The following PPARA variants were observed in gnomAD, a reference collection of about 807,000 sequenced individuals.
PPARA encodes peroxisome proliferator activated receptor alpha, also known as peroxisome proliferator-activated receptor alpha.
In PPARA, 22 loss-of-function variants were observed where a neutral mutation model predicts 42.2. The ratio of observed to expected loss-of-function variants is 0.52; its 90% CI spans 0.37 to 0.74. The LOEUF is 0.74. Among genes scored for constraint, PPARA ranks in the 30% least tolerant of loss-of-function variants. The probability of loss-of-function intolerance (pLI) is 0.00; values close to 1 mark genes in which losing one functional copy is unlikely to be tolerated. For synonymous variants in PPARA, 242 were observed against 239.3 expected (o/e 1.01, Z -0.10); for missense variants, 465 against 608.2 (o/e 0.76, Z 2.48).
In PPARA at chr22:46,187,599, C is replaced by G. The variant is rs1165955048; in HGVS notation, c.-42-10743C>G. ...TCTGGATTCCTTCTTGCCATCAAGA[C>G]AATCCTGATACAAATCTGATCACGT... is the stretch of plus-strand genomic sequence containing the variant. On this transcript the variant is annotated intron_variant, in intron 3 of 8. Transcript: ENST00000407236. The surrounding 1 kb of genome is among the most constrained non-coding windows in gnomAD (Gnocchi z 4.9). 2.0e-5 allele frequency among the ~76,000 whole-genome samples: 3 copies of G among 152,216 alleles called. No homozygotes were observed. The highest frequency in any genetic ancestry group is 7.2e-5 in the African/African-American group (3 of 41,454).
chr22:46,157,914 T>A (rs1409963048), intron 2 of PPARA, among the ~76,000 whole-genome samples: 4 of 129,436 alleles, frequency 3.1e-5, no homozygotes, highest in South Asian at 4.5e-4. Context: ...TCAGATTTAC[T>A]TGCTTTATAT....
intron 2 of PPARA, among the ~76,000 whole-genome samples, chr22:46,170,402 A>ATTTTTTTT (rs935185946): frequency 1.6e-5 from 1 of 64,208 alleles, no homozygotes; most frequent in African/African-American, 5.8e-5. Context: ...CACCCAGCTA[A>ATTTTTTTT]TTTTTTTTTT....
Position 46,180,994 on chromosome 22 carries a change from T to C in PPARA, c.-43+4158T>C, listed in dbSNP as rs1457574573. ...AACCTATAAAGGGGTTGCAGGACGG[T>C]TCCAGCAGGGGCTGGGGATGGTGAG... On this transcript the variant is annotated intron_variant, in intron 3 of 8. Transcript: ENST00000407236. The surrounding 1 kb of genome is among the most constrained non-coding windows in gnomAD (Gnocchi z 4.2). Among the ~76,000 whole-genome samples, 1 of 152,132 alleles carries C rather than the reference T, an allele frequency of 6.6e-6. No homozygotes were observed. Among genetic ancestry groups the C allele is most frequent in the African/African-American group, 2.4e-5 (1 of 41,426 alleles).
In PPARA at chr22:46,163,116, A is replaced by T. The variant is rs9306499; in HGVS notation, c.-127+11146A>T. 9.9e-5 allele frequency among the ~76,000 whole-genome samples: 15 copies of T among 152,262 alleles called. No individual in the cohort carries two copies. The East Asian group carries it at 2.1e-3, about 22-fold the overall frequency. On this transcript the variant is annotated intron_variant, in intron 2 of 8. Coordinates refer to ENST00000407236, the MANE Select transcript of PPARA (RefSeq NM_005036.6). This position sits in a 1 kb window ranked among gnomAD's most constrained non-coding sequence, Gnocchi z 4.9. ...AAAGAGCGGGGACAGAGGGTCACGGAGGTCGCAGGGGCGTGTGTGCAGCAC... is the reference window on the plus strand; with the variant it reads ...AAAGAGCGGGGACAGAGGGTCACGGTGGTCGCAGGGGCGTGTGTGCAGCAC...
chr22:46,185,952 TATATATATATATACAC>T (rs1569207874), intron 3 of PPARA, among the ~76,000 whole-genome samples: 1 of 56,172 alleles, frequency 1.8e-5, no homozygotes, highest in African/African-American at 6.4e-5. Flanking sequence ...TATATATATA[TATATATATATATACAC>T]ACACACTAAC....
At chr22:46,172,337 A>C (rs1465117103) in intron 2 of PPARA, among the ~76,000 whole-genome samples, 2 of 151,840 alleles carry the variant, frequency 1.3e-5, no homozygotes, top group African/African-American at 2.4e-5. Context: ...AAAAAAAAAA[A>C]AAACAGCATT....
chr22:46,186,882 C>T (rs992069336), intron 3 of PPARA, among the ~76,000 whole-genome samples: 3 of 151,920 alleles, frequency 2.0e-5, no homozygotes, highest in African/African-American at 7.3e-5. Flanking sequence ...TATATGCATA[C>T]CTATGATAAA....
At chr22:46,220,105 A>G (rs118035668) in intron 7 of PPARA, 91 bp downstream of exon 7, 1 of 1,408,206 alleles carries the variant, frequency 7.1e-7, no homozygotes, top group East Asian at 2.3e-5. Flanking sequence ...AATGTTGAGA[A>G]AATTATATTT....
At position 46,184,629 on chromosome 22, in the gene PPARA, G is replaced by A. The variant is rs552914036; in HGVS notation, c.-43+7793G>A. Among the ~76,000 whole-genome samples the A allele has an allele frequency of 5.3e-5, 8 of 152,292 alleles. No homozygotes were observed. In the East Asian group the frequency reaches 7.7e-4, roughly 15 times the overall value. ...TGTAATCCCAGCAATTTGGGAGGCCGAGATTACCTGAGGTCGGAAGTTCAA... is the reference window on the plus strand; with the variant it reads ...TGTAATCCCAGCAATTTGGGAGGCCAAGATTACCTGAGGTCGGAAGTTCAA... On this transcript the variant is annotated intron_variant, in intron 3 of 8. Coordinates refer to ENST00000407236, the MANE Select transcript of PPARA (RefSeq NM_005036.6). The surrounding 1 kb of genome is among the most constrained non-coding windows in gnomAD (Gnocchi z 4.4).
chr22:46,166,198 C>T (rs1050862025), intron 2 of PPARA, among the ~76,000 whole-genome samples: 5 of 152,198 alleles, frequency 3.3e-5, no homozygotes, highest in Non-Finnish European at 7.3e-5. Context: ...TGCGTCACTT[C>T]TCTCAAAGTC....
chr22:46,220,018 G>A lies in PPARA; in HGVS notation c.711+4G>A, dbSNP rs1429607440. The A allele has an allele frequency of 3.7e-6, 6 of 1,613,842 alleles. No individual in the cohort carries two copies. Among genetic ancestry groups the A allele is most frequent in the South Asian group, 1.1e-5 (1 of 91,086 alleles). The stretch of plus-strand genomic sequence containing the variant: ...AGGAAAGGCCAGTAACAATCCAGTA[G>A]GTGTTTGCGGCTGTTCTGGGTTCTC... On this transcript the variant is annotated splice_donor_region_variant and intron_variant, in intron 7 of 8. Coordinates refer to ENST00000407236, the MANE Select transcript of PPARA (RefSeq NM_005036.6).
intron 4 of PPARA, among the ~76,000 whole-genome samples, chr22:46,205,244 G>C (rs1933114102): frequency 6.6e-6 from 1 of 150,704 alleles, no homozygotes; most frequent in Non-Finnish European, 1.5e-5. Flanking sequence ...TTGAGAGAGG[G>C]TCTCACCCTG....
intron 2 of PPARA, among the ~76,000 whole-genome samples, chr22:46,168,139 G>A (rs1445542661): frequency 1.3e-5 from 2 of 151,528 alleles, no homozygotes; most frequent in Non-Finnish European, 1.5e-5. Context: ...GATCACAAGG[G>A]CAGGAGATGA....
chr22:46,235,453 G>A lies in PPARA; in HGVS notation c.*73G>A. The A allele has an allele frequency of 1.9e-6, 3 of 1,562,298 alleles. No individual in the cohort carries two copies. Among genetic ancestry groups the A allele is most frequent in the East Asian group, 2.3e-5 (1 of 42,608 alleles). On this transcript the variant is annotated 3_prime_UTR_variant, in exon 9 of 9. Transcript: ENST00000407236. The surrounding 1 kb of genome is among the most constrained non-coding windows in gnomAD (Gnocchi z 7.0). ...GCACTACAAAGGAGACGGGGGAGCA[G>A]CACGATTTTGCACAAATATCCACCA...
intron 3 of PPARA, among the ~76,000 whole-genome samples, chr22:46,186,323 C>T (rs1482384064): frequency 6.6e-6 from 1 of 152,070 alleles, no homozygotes; most frequent in Admixed American, 6.6e-5. Flanking sequence ...TCTTTCTCTG[C>T]CCTTTCTGGT....
Position 46,241,986 on chromosome 22 carries a change from G to C in PPARA, c.*6606G>C, listed in dbSNP as rs548378873. 1 of 151,932 alleles carries C rather than the reference G, an allele frequency of 6.6e-6. No individual in the cohort carries two copies. The highest frequency in any genetic ancestry group is 6.5e-5 in the Admixed American group (1 of 15,270). The allele number at this position is 151,932 out of a possible 1,614,324, so 9.4% of individuals were successfully genotyped here. A position where few individuals can be genotyped will look rare whatever the true frequency, so the allele number is the denominator to read the frequency against. On this transcript the variant is annotated 3_prime_UTR_variant, in exon 9 of 9. Transcript: ENST00000407236. The surrounding 1 kb of genome is among the most constrained non-coding windows in gnomAD (Gnocchi z 5.7). ...GAGATAGCAAACTAAGACCTGGGGAGGGGGGTCAGCTTTTATTTTATTTTA... is the reference window on the plus strand; with the variant it reads ...GAGATAGCAAACTAAGACCTGGGGACGGGGGTCAGCTTTTATTTTATTTTA...
chr22:46,189,548 G>A (rs1217781304), intron 3 of PPARA, among the ~76,000 whole-genome samples: 1 of 152,140 alleles, frequency 6.6e-6, no homozygotes, highest in Non-Finnish European at 1.5e-5. Context: ...TGATGTATTT[G>A]ATTTAAATTC....
chr22:46,169,383 C>A lies in PPARA; in HGVS notation c.-126-7370C>A, dbSNP rs566591783. On this transcript the variant is annotated intron_variant, in intron 2 of 8. Coordinates refer to ENST00000407236, the MANE Select transcript of PPARA (RefSeq NM_005036.6). ...CGGAGTAGCTGGGACTACAGGCGCCCGCCACCACGCCCGGCTAATTTTTTG... is the reference window on the plus strand; with the variant it reads ...CGGAGTAGCTGGGACTACAGGCGCCAGCCACCACGCCCGGCTAATTTTTTG... Among the ~76,000 whole-genome samples the A allele has an allele frequency of 2.6e-5, 4 of 151,916 alleles. 1 individual carries two copies. Among genetic ancestry groups the A allele is most frequent in the African/African-American group, 4.8e-5 (2 of 41,432 alleles).
chr22:46,235,412 AGT>A lies in PPARA; in HGVS notation c.*33_*34del. On this transcript the variant is annotated 3_prime_UTR_variant, in exon 9 of 9. Transcript: ENST00000407236. The surrounding 1 kb of genome is among the most constrained non-coding windows in gnomAD (Gnocchi z 7.0). ...TCAGATCAGCCACACCTTTTCCAGGAGTTCTGAAGCTGACAGCACTACAAAGG... is the reference window on the plus strand; with the variant it reads ...TCAGATCAGCCACACCTTTTCCAGGATCTGAAGCTGACAGCACTACAAAGG... 6.2e-7 allele frequency: 1 copy of A among 1,610,184 alleles called. No individual in the cohort carries two copies. The highest frequency in any genetic ancestry group is 8.5e-7 in the Non-Finnish European group (1 of 1,178,830).
Sources: gnomAD v4.1 joint callset for allele counts (sites outside exome capture counted in the v4.1 genomes callset) on GRCh38, gnomAD v4.1.1 for gene constraint, Gnocchi (gnomAD v3.1) non-coding constraint, MANE v1.5 for transcripts, NCBI Gene and HGNC (gene_info 2026-07-23, HGNC 2026-07-21) for gene names.